Variants in RBFOX1 observed in about 807,000 individuals in gnomAD.
The protein encoded by RBFOX1 is RNA binding protein fox-1 homolog 1.
A neutral mutation model predicts 57.7 loss-of-function variants in RBFOX1; 8 were observed. The observed-to-expected ratio is 0.14, with a 90% CI of 0.08 to 0.25. RBFOX1 has a LOEUF of 0.25. RBFOX1 is among the 10% of genes least tolerant of loss of function. RBFOX1 has a pLI of 1.00. For missense variants in RBFOX1, 611 were observed against 548.5 expected (o/e 1.11, Z -1.14); for synonymous variants, 326 against 222.4 (o/e 1.47, Z -4.15).
intron 1 of RBFOX1, among the ~76,000 whole-genome samples, chr16:6,164,140 T>C (rs1340540344): frequency 2.0e-5 from 3 of 152,160 alleles, no homozygotes; most frequent in Non-Finnish European, 2.9e-5. Flanking sequence ...ACCATACGTT[T>C]TGTAACATTA....
intron 12 of RBFOX1, among the ~76,000 whole-genome samples, chr16:7,657,519 G>A (rs1179286528): frequency 1.3e-5 from 2 of 152,172 alleles, no homozygotes; most frequent in African/African-American, 4.8e-5. Flanking sequence ...TGGCCAGGCT[G>A]GTCTTGAACT....
At chr16:5,591,543 G>A (rs930713426) in intron 2 of RBFOX1, among the ~76,000 whole-genome samples, 6 of 152,112 alleles carry the variant, frequency 3.9e-5, no homozygotes, top group African/African-American at 7.2e-5. Flanking sequence ...GAGTCACTGC[G>A]CCTGGTCCAA....
At chr16:5,907,706 C>G (rs767543155) in intron 4 of RBFOX1, among the ~76,000 whole-genome samples, 11 of 148,354 alleles carry the variant, frequency 7.4e-5, no homozygotes, top group Middle Eastern at 3.2e-3. Flanking sequence ...AAGACGCGAA[C>G]TCAAGGAGAC....
chr16:5,277,152 C>A (rs2063161572), intron 1 of RBFOX1, among the ~76,000 whole-genome samples: 2 of 152,122 alleles, frequency 1.3e-5, no homozygotes, highest in South Asian at 4.2e-4. Context: ...TAATGGCATT[C>A]ATAGCAACCT....
intron 3 of RBFOX1, among the ~76,000 whole-genome samples, chr16:5,725,476 T>A (rs2052111327): frequency 6.6e-6 from 1 of 151,896 alleles, no homozygotes; most frequent in Non-Finnish European, 1.5e-5. Flanking sequence ...TTTTCCAGTC[T>A]TGTCTCAAAC....
At chr16:7,101,683 G>A (rs1346156305) in intron 4 of RBFOX1, among the ~76,000 whole-genome samples, 1 of 152,132 alleles carries the variant, frequency 6.6e-6, no homozygotes, top group African/African-American at 2.4e-5. Flanking sequence ...TGTTAGGGTA[G>A]GCATTCAAGT....
intron 1 of RBFOX1, among the ~76,000 whole-genome samples, chr16:6,295,087 C>T: frequency 7.0e-6 from 1 of 142,612 alleles, no homozygotes; most frequent in East Asian, 2.1e-4. Flanking sequence ...GCAAAGAGCT[C>T]TTAAGCAGTG....
In RBFOX1 at chr16:7,511,458, A is replaced by G. The variant is rs2075062718; in HGVS notation, c.28-6689A>G. On this transcript the variant is annotated intron_variant, in intron 4 of 15. Transcript: ENST00000550418. ...GAAAATTCAGGGTTCAGGATATTTC[A>G]GGGACCAAAGAAATTCTCTGAGCAT... is the stretch of plus-strand genomic sequence containing the variant. Among the ~76,000 whole-genome samples the G allele has an allele frequency of 2.0e-5, 3 of 152,186 alleles. No individual in the cohort carries two copies. The South Asian group carries it at 6.2e-4, about 32-fold the overall frequency.
chr16:5,956,971 G>C (rs1163767007), intron 4 of RBFOX1, among the ~76,000 whole-genome samples: 1 of 151,810 alleles, frequency 6.6e-6, no homozygotes, highest in African/African-American at 2.4e-5. Flanking sequence ...CGCCCAGCCT[G>C]CAATTTTTGT....
At chr16:5,623,235 G>C (rs2048251808) in intron 3 of RBFOX1, among the ~76,000 whole-genome samples, 1 of 152,088 alleles carries the variant, frequency 6.6e-6, no homozygotes, top group African/African-American at 2.4e-5. Context: ...ACATCTTATG[G>C]GGTGACTGTT....
At chr16:6,074,743 C>G (rs1037145893) in intron 1 of RBFOX1, among the ~76,000 whole-genome samples, 4 of 152,142 alleles carry the variant, frequency 2.6e-5, no homozygotes, top group East Asian at 1.9e-4. Flanking sequence ...CTTGCTAACA[C>G]TGGACAATGC....
At chr16:5,964,898 A>G (rs1033937435) in intron 4 of RBFOX1, among the ~76,000 whole-genome samples, 1 of 152,102 alleles carries the variant, frequency 6.6e-6, no homozygotes, top group Non-Finnish European at 1.5e-5. Context: ...TGGTGTGTGT[A>G]TATATATAGA....
At chr16:7,380,886 A>G (rs1036397014) in intron 4 of RBFOX1, among the ~76,000 whole-genome samples, 1 of 152,228 alleles carries the variant, frequency 6.6e-6, no homozygotes, top group African/African-American at 2.4e-5. Context: ...TTTTTCAAGA[A>G]TCGCAGGCTT....
intron 4 of RBFOX1, among the ~76,000 whole-genome samples, chr16:7,262,091 G>C (rs1208422611): frequency 6.6e-6 from 1 of 152,048 alleles, no homozygotes; most frequent in Admixed American, 6.5e-5. Context: ...CCTTTTGCTG[G>C]GGGTACCATT....
intron 4 of RBFOX1, among the ~76,000 whole-genome samples, chr16:7,449,668 A>G (rs1174091815): frequency 7.2e-6 from 1 of 138,134 alleles, no homozygotes; most frequent in Non-Finnish European, 1.5e-5. Context: ...GGTCTTGGTG[A>G]TAATTTGTCA....
intron 4 of RBFOX1, among the ~76,000 whole-genome samples, chr16:7,071,734 T>A (rs574538842): frequency 2.0e-5 from 3 of 152,258 alleles, no homozygotes; most frequent in South Asian, 4.1e-4. Context: ...AAAAAGTTAC[T>A]GTTTATTTTA....
chr16:6,323,479 T>C (rs936793910), intron 2 of RBFOX1, among the ~76,000 whole-genome samples: 2 of 152,160 alleles, frequency 1.3e-5, no homozygotes, highest in Admixed American at 1.3e-4. Context: ...GACAAGCAGG[T>C]ACATATTTTG....
intron 5 of RBFOX1, among the ~76,000 whole-genome samples, chr16:7,533,572 T>C (rs1174161602): frequency 1.3e-5 from 2 of 152,214 alleles, no homozygotes; most frequent in African/African-American, 4.8e-5. Flanking sequence ...AACTTAAAGA[T>C]ACACAGAACA....
rs572419039 is a variant in RBFOX1 at position 7,013,936 on chromosome 16, A to G, written c.-15-38121A>G. ...GCCTCCCAAAGGGCTGGGATTACAG[A>G]TTTGAGCCACGGCGCTTGGCTAAAA... is the stretch of plus-strand genomic sequence containing the variant. On this transcript the variant is annotated intron_variant, in intron 3 of 15. Coordinates refer to ENST00000550418, the MANE Select transcript of RBFOX1 (RefSeq NM_018723.4). Among the ~76,000 whole-genome samples, 580 of 152,146 alleles carry G rather than the reference A, an allele frequency of 3.8e-3. 9 individuals are homozygous for G. The highest frequency in any genetic ancestry group is 0.013 in the African/African-American group (540 of 41,492).
Sources: gnomAD v4.1 joint callset for allele counts (sites outside exome capture counted in the v4.1 genomes callset) on GRCh38, gnomAD v4.1.1 for gene constraint, MANE v1.5 for transcripts, NCBI Gene and HGNC (gene_info 2026-07-23, HGNC 2026-07-21) for gene names.